RAPGEF5: variants seen among roughly 807,000 people sequenced by gnomAD.
RAPGEF5 encodes M-Ras-regulated GEF.
Under a neutral mutation model 125.2 loss-of-function variants are expected in RAPGEF5, and 65 were observed. The observed-to-expected ratio is 0.52, with a 90% CI of 0.43 to 0.64. The LOEUF is 0.64. Ranked by LOEUF, RAPGEF5 falls within the 30% of genes least tolerant of loss-of-function variation. RAPGEF5 has a pLI of 0.00. For missense variants in RAPGEF5, 958 were observed against 1,048.1 expected, an observed-to-expected ratio of 0.91 and a Z score of 1.19; for synonymous variants, 391 against 385.9, an observed-to-expected ratio of 1.01 and a Z score of -0.16.
intron 7 of RAPGEF5, among the ~76,000 whole-genome samples, chr7:22,254,646 T>G (rs1786710151): frequency 6.6e-6 from 1 of 150,832 alleles, no homozygotes; most frequent in South Asian, 2.1e-4. Flanking sequence ...CCCCTCAGAT[T>G]GTCTCATAGA....
intron 7 of RAPGEF5, among the ~76,000 whole-genome samples, chr7:22,252,413 A>G (rs916385566): frequency 6.6e-6 from 1 of 152,220 alleles, no homozygotes; most frequent in Non-Finnish European, 1.5e-5. Context: ...TTTGAAAACC[A>G]AGACCTCAAA....
Position 22,179,401 on chromosome 7 carries a change from C to T in RAPGEF5, c.1205-12253G>A, listed in dbSNP as rs542902948. Among the ~76,000 whole-genome samples the T allele has an allele frequency of 2.0e-5, 3 of 152,242 alleles. No individual in the cohort carries two copies. The South Asian group carries it at 6.2e-4, about 32-fold the overall frequency. Reference sequence around the variant, plus strand: ...CTTATAGCTAACTAAACCTTGCATGCTAAGCATATGTAAGATTATTCTAAA... The same window carrying T: ...CTTATAGCTAACTAAACCTTGCATGTTAAGCATATGTAAGATTATTCTAAA... On this transcript the variant is annotated intron_variant, in intron 11 of 25. Coordinates refer to ENST00000665637, the MANE Select transcript of RAPGEF5 (RefSeq NM_012294.5).
chr7:22,208,948 G>A (rs750608290), intron 9 of RAPGEF5, among the ~76,000 whole-genome samples: 1 of 152,180 alleles, frequency 6.6e-6, no homozygotes, highest in Admixed American at 6.5e-5. Flanking sequence ...GATGCTGAAG[G>A]TACCTACAGC....
At chr7:22,249,215 G>A (rs549691843) in intron 7 of RAPGEF5, among the ~76,000 whole-genome samples, 2 of 152,048 alleles carry the variant, frequency 1.3e-5, no homozygotes, top group Non-Finnish European at 2.9e-5. Flanking sequence ...TTTTTAAGAT[G>A]GAATCTCACT....
intron 4 of RAPGEF5, among the ~76,000 whole-genome samples, chr7:22,309,392 G>C (rs1401039374): frequency 6.6e-6 from 1 of 152,190 alleles, no homozygotes; most frequent in African/African-American, 2.4e-5. Flanking sequence ...TAGCAGCTGA[G>C]AGACTGGGCT....
chr7:22,252,179 T>C (rs894106271), intron 7 of RAPGEF5, among the ~76,000 whole-genome samples: 2 of 152,164 alleles, frequency 1.3e-5, no homozygotes, highest in East Asian at 3.8e-4. Flanking sequence ...GTATAAAACA[T>C]GTGCAAGAAG....
chr7:22,206,837 ATAAT>A lies in RAPGEF5; in HGVS notation c.997-12808_997-12805del, dbSNP rs546571376. 4.6e-5 allele frequency among the ~76,000 whole-genome samples: 7 copies of A among 152,290 alleles called. No individual in the cohort carries two copies. The South Asian group carries it at 1.2e-3, about 27-fold the overall frequency. ...AACATTTCCACTCATGTGTATAAAA[ATAAT>A]TAATTAGGAAACAAACTAAGTAGAA... On this transcript the variant is annotated intron_variant, in intron 9 of 25. Transcript: ENST00000665637.
At position 22,308,330 on chromosome 7, in the gene RAPGEF5, T is replaced by C. The variant is rs949992265; in HGVS notation, c.680+9A>G. 2 of 1,577,794 alleles carry C rather than the reference T, an allele frequency of 1.3e-6. No homozygotes were observed. Among genetic ancestry groups the C allele is most frequent in the African/African-American group, 1.3e-5 (1 of 74,226 alleles). ...AAGAATACAATGGCACAAGAGAGCA[T>C]CTACTTACAGTTCACAGATGCCACC... On this transcript the variant is annotated intron_variant, in intron 5 of 25. Coordinates refer to ENST00000665637, the MANE Select transcript of RAPGEF5 (RefSeq NM_012294.5).
chr7:22,242,947 C>CAAAA (rs537954162), intron 7 of RAPGEF5, among the ~76,000 whole-genome samples: 52 of 64,792 alleles, frequency 8.0e-4, no homozygotes, highest in East Asian at 1.3e-3. Flanking sequence ...AACTCCGTCT[C>CAAAA]AAAAAAAAAA....
At chr7:22,179,463 A>C (rs1039457613) in intron 11 of RAPGEF5, among the ~76,000 whole-genome samples, 46 of 152,190 alleles carry the variant, frequency 3.0e-4, no homozygotes, top group African/African-American at 9.4e-4. Flanking sequence ...AGATAATCCA[A>C]ACCACTTCAC....
rs1411987576 is a variant in RAPGEF5 at position 22,291,260 on chromosome 7, A to G, written c.681-19T>C. ...ATGAGACCTAAAAAAAAAAAAAAGA[A>G]CAAATTACTTTTCAGTTTTAGTTGC... On this transcript the variant is annotated intron_variant, in intron 5 of 25. Coordinates refer to ENST00000665637, the MANE Select transcript of RAPGEF5 (RefSeq NM_012294.5). 4.6e-6 allele frequency: 7 copies of G among 1,521,932 alleles called. No individual in the cohort carries two copies. The highest frequency in any genetic ancestry group is 2.4e-5 in the Admixed American group (1 of 42,468). 94.3% of individuals were successfully genotyped at this position (1,521,932 alleles called of 1,614,324 possible). A position where few individuals can be genotyped will look rare whatever the true frequency, so the allele number is the denominator to read the frequency against.
At chr7:22,331,059 C>T (rs1305251997) in intron 1 of RAPGEF5, among the ~76,000 whole-genome samples, 3 of 152,170 alleles carry the variant, frequency 2.0e-5, no homozygotes, top group Non-Finnish European at 4.4e-5. Context: ...TCCTGAGTCC[C>T]GAGTGCCAAC....
intron 1 of RAPGEF5, among the ~76,000 whole-genome samples, chr7:22,340,807 T>G (rs1784112300): frequency 6.6e-6 from 1 of 152,228 alleles, no homozygotes; most frequent in Non-Finnish European, 1.5e-5. Flanking sequence ...ATGCTCTACC[T>G]CCTTCCTGGC....
chr7:22,154,380 C>A, intron 17 of RAPGEF5, 75 bp downstream of exon 17: 4 of 1,530,290 alleles, frequency 2.6e-6, no homozygotes, highest in Non-Finnish European at 3.5e-6. Flanking sequence ...CACTTTTACT[C>A]TACAAAAATG....
chr7:22,142,665 GTCAT>G (rs2128104350), intron 20 of RAPGEF5, among the ~76,000 whole-genome samples: 1 of 152,344 alleles, frequency 6.6e-6, no homozygotes, highest in East Asian at 1.9e-4. Context: ...GTTAACGAGG[GTCAT>G]TCATTCCACG....
At chr7:22,211,051 G>A (rs768518226) in intron 9 of RAPGEF5, among the ~76,000 whole-genome samples, 3 of 152,170 alleles carry the variant, frequency 2.0e-5, no homozygotes, top group Non-Finnish European at 4.4e-5. Flanking sequence ...TAGAAAAAAT[G>A]TACTGTACAC....
intron 5 of RAPGEF5, among the ~76,000 whole-genome samples, chr7:22,299,569 A>G (rs1170406126): frequency 6.6e-6 from 1 of 152,168 alleles, no homozygotes; most frequent in Non-Finnish European, 1.5e-5. Context: ...AATATCTACC[A>G]CTTATGTAGC....
chr7:22,349,060 G>C (rs1784280350), intron 1 of RAPGEF5, among the ~76,000 whole-genome samples: 1 of 150,580 alleles, frequency 6.6e-6, no homozygotes, highest in African/African-American at 2.4e-5. Context: ...CCGTACTCCA[G>C]GCTGGGTGAA....
chr7:22,173,958 A>G (rs1784429112), intron 11 of RAPGEF5, among the ~76,000 whole-genome samples: 1 of 152,154 alleles, frequency 6.6e-6, no homozygotes, highest in South Asian at 2.1e-4. Flanking sequence ...AAAGAATACT[A>G]TGGAAACAGA....
Sources: gnomAD v4.1 joint callset for allele counts (sites outside exome capture counted in the v4.1 genomes callset) on GRCh38, gnomAD v4.1.1 for gene constraint, MANE v1.5 for transcripts, NCBI Gene and HGNC (gene_info 2026-07-23, HGNC 2026-07-21) for gene names.